The following LGR4 variants were observed in gnomAD, a reference collection of about 807,000 sequenced individuals.
The protein encoded by LGR4 is leucine-rich repeat-containing G protein-coupled receptor 4.
Under a neutral mutation model 84.8 loss-of-function variants are expected in LGR4, and 44 were observed. That is an observed-to-expected ratio of 0.52 (90% CI 0.41 to 0.67). LGR4 has a LOEUF of 0.67. Among genes scored for constraint, LGR4 ranks in the 30% least tolerant of loss-of-function variants. The probability of loss-of-function intolerance (pLI) is 0.00; values close to 1 mark genes in which losing one functional copy is unlikely to be tolerated. For synonymous variants in LGR4, 429 were observed against 434.3 expected (o/e 0.99, Z 0.15); for missense variants, 1,032 against 1,131.4 (o/e 0.91, Z 1.26).
chr11:27,394,945 C>T (rs925018289), intron 2 of LGR4, among the ~76,000 whole-genome samples: 9 of 152,080 alleles, frequency 5.9e-5, no homozygotes, highest in African/African-American at 2.2e-4. Flanking sequence ...AAACTGCTTT[C>T]TCAGAAGCTC....
chr11:27,372,249 G>T, intron 16 of LGR4, 34 bp downstream of exon 16: 2 of 1,152,176 alleles, frequency 1.7e-6, no homozygotes, highest in Non-Finnish European at 2.6e-6. Context: ...ATGCCTTAAA[G>T]GAGTGTTCTA....
chr11:27,380,558 T>C, intron 9 of LGR4, 82 bp downstream of exon 9: 1 of 1,017,420 alleles, frequency 9.8e-7, no homozygotes, highest in South Asian at 1.5e-5. Flanking sequence ...TTTTGTTTTC[T>C]GGAGTTCCAG....
Position 27,380,688 on chromosome 11 carries a change from G to A in LGR4, c.854C>T (p.Ser285Phe). Residue 285 changes from serine (S) to phenylalanine (F), a missense_variant, in exon 9 of 18, where the codon TCT (serine) becomes TTT (phenylalanine). Coordinates refer to ENST00000379214, the MANE Select transcript of LGR4 (RefSeq NM_018490.5). ...GTGAAATGCTGAGTTCCCCACAAAA[G>A]ACAGAGGATTATCATACAAATGTCT... Reference protein sequence around the residue: ...RTIHLYDNPLSFVGNSAFHNL... With the variant: ...RTIHLYDNPLFFVGNSAFHNL... The A allele has an allele frequency of 6.2e-7, 1 of 1,602,604 alleles. No individual in the cohort carries two copies. Among genetic ancestry groups the A allele is most frequent in the Non-Finnish European group, 8.5e-7 (1 of 1,171,172 alleles).
At chr11:27,399,051 C>T (rs555496105) in intron 2 of LGR4, among the ~76,000 whole-genome samples, 3 of 152,234 alleles carry the variant, frequency 2.0e-5, no homozygotes, top group Admixed American at 1.3e-4. Context: ...GCTGGGATTA[C>T]AGCCATGTAC....
chr11:27,419,176 A>G (rs1863877141), intron 1 of LGR4, among the ~76,000 whole-genome samples: 1 of 152,200 alleles, frequency 6.6e-6, no homozygotes, highest in Non-Finnish European at 1.5e-5. Flanking sequence ...CAAAACATAT[A>G]AAGAATTTAT....
intron 1 of LGR4, among the ~76,000 whole-genome samples, chr11:27,464,850 A>AT (rs1281752604): frequency 6.6e-6 from 1 of 152,016 alleles, no homozygotes; most frequent in Non-Finnish European, 1.5e-5. Flanking sequence ...GTACAATGAG[A>AT]TTTTCACTCT....
chr11:27,412,262 G>C (rs1863725742), intron 2 of LGR4, among the ~76,000 whole-genome samples: 1 of 152,130 alleles, frequency 6.6e-6, no homozygotes, highest in Non-Finnish European at 1.5e-5. Flanking sequence ...CATTCTTAAA[G>C]TTAAAGGTGC....
At chr11:27,472,081 C>T in intron 1 of LGR4, 37 bp downstream of exon 1, 15 of 676,588 alleles carry the variant, frequency 2.2e-5, no homozygotes, top group Admixed American at 6.8e-5. Flanking sequence ...GGCCCCGTTT[C>T]CTCCCCCCCC....
At chr11:27,398,516 C>G (rs143418600) in intron 2 of LGR4, among the ~76,000 whole-genome samples, 208 of 152,272 alleles carry the variant, frequency 1.4e-3, no homozygotes, top group African/African-American at 4.7e-3. Context: ...ACCATATATA[C>G]ACTGATTAGA....
At chr11:27,402,976 G>A (rs1026794487) in intron 2 of LGR4, among the ~76,000 whole-genome samples, 4 of 152,138 alleles carry the variant, frequency 2.6e-5, no homozygotes, top group Non-Finnish European at 4.4e-5. Flanking sequence ...AGGTCACCAG[G>A]CTGCAGATTT....
At chr11:27,442,997 A>G (rs1864328910) in intron 1 of LGR4, among the ~76,000 whole-genome samples, 1 of 152,216 alleles carries the variant, frequency 6.6e-6, no homozygotes, top group South Asian at 2.1e-4. Context: ...CAACTCATTT[A>G]ATTCTCACAA....
At chr11:27,395,875 A>G (rs907569927) in intron 2 of LGR4, among the ~76,000 whole-genome samples, 7 of 152,156 alleles carry the variant, frequency 4.6e-5, no homozygotes, top group Non-Finnish European at 8.8e-5. Context: ...AGTATTTCTT[A>G]TAGTAAACCT....
chr11:27,421,570 C>G (rs558322933), intron 1 of LGR4, among the ~76,000 whole-genome samples: 2 of 152,266 alleles, frequency 1.3e-5, no homozygotes, highest in South Asian at 2.1e-4. Flanking sequence ...GGATAAAACA[C>G]TGGTGTGTAA....
At chr11:27,411,368 ATAAT>A (rs1863708003) in intron 2 of LGR4, among the ~76,000 whole-genome samples, 1 of 151,962 alleles carries the variant, frequency 6.6e-6, no homozygotes, top group Admixed American at 6.6e-5. Context: ...TTATTACAAA[ATAAT>A]TAATGTTCAC....
chr11:27,411,011 C>A (rs1863700106), intron 2 of LGR4, among the ~76,000 whole-genome samples: 1 of 152,132 alleles, frequency 6.6e-6, no homozygotes, highest in Non-Finnish European at 1.5e-5. Context: ...CAGGTCTTCA[C>A]TTCGAAATTC....
intron 1 of LGR4, among the ~76,000 whole-genome samples, chr11:27,444,813 C>G (rs1004171581): frequency 6.6e-6 from 1 of 152,124 alleles, no homozygotes; most frequent in Non-Finnish European, 1.5e-5. Context: ...ATACCTAGTT[C>G]TGCCCATAAT....
intron 1 of LGR4, among the ~76,000 whole-genome samples, chr11:27,440,867 C>A (rs535968114): frequency 2.6e-5 from 4 of 152,254 alleles, no homozygotes; most frequent in Admixed American, 2.0e-4. Context: ...TCGATGGAAT[C>A]AAAAATCCTA....
chr11:27,425,561 G>A (rs932515056), intron 1 of LGR4, among the ~76,000 whole-genome samples: 3 of 151,768 alleles, frequency 2.0e-5, no homozygotes, highest in Admixed American at 6.6e-5. Context: ...TGGCCTCAGC[G>A]AAGATCCCAC....
rs562857434 is a variant in LGR4, at chr11:27,374,792, G to A, written c.1182-746C>T. Among the ~76,000 whole-genome samples the A allele has an allele frequency of 2.2e-4, 33 of 152,218 alleles. No homozygotes were observed. In the East Asian group the frequency reaches 3.7e-3, roughly 17 times the overall value. The stretch of plus-strand genomic sequence containing the variant: ...CAGTTTCTAAAAGTGATGGCAACTA[G>A]GAGCCAGTCTTCTTCCCTATGACTG... On this transcript the variant is annotated intron_variant, in intron 13 of 17. Transcript: ENST00000379214.
Sources: gnomAD v4.1 joint callset for allele counts (sites outside exome capture counted in the v4.1 genomes callset) on GRCh38, gnomAD v4.1.1 for gene constraint, MANE v1.5 for transcripts, NCBI Gene and HGNC (gene_info 2026-07-23, HGNC 2026-07-21) for gene names.